TRIM37: variants seen among roughly 807,000 people sequenced by gnomAD.
TRIM37 encodes E3 ubiquitin-protein ligase TRIM37.
Under a neutral mutation model 129.8 loss-of-function variants are expected in TRIM37, and 80 were observed. The observed-to-expected ratio is 0.62, with a 90% CI of 0.51 to 0.74. The LOEUF (loss-of-function observed/expected upper bound fraction) is 0.74. Ranked by LOEUF, TRIM37 falls within the 30% of genes least tolerant of loss-of-function variation. The probability of loss-of-function intolerance (pLI) is 0.00; values close to 1 mark genes in which losing one functional copy is unlikely to be tolerated. For synonymous variants in TRIM37, 389 were observed against 387.1 expected, an observed-to-expected ratio of 1.00 and a Z score of -0.06; for missense variants, 1,054 against 1,176.5, an observed-to-expected ratio of 0.90 and a Z score of 1.52.
In TRIM37 at chr17:58,999,412, G is replaced by A. The variant is rs1354567029; in HGVS notation, c.2860C>T (p.Leu954Phe). The A allele has an allele frequency of 1.2e-6, 2 of 1,613,736 alleles. No individual in the cohort carries two copies. The highest frequency in any genetic ancestry group is 1.7e-5 in the Admixed American group (1 of 59,994). Residue 954 changes from leucine (L) to phenylalanine (F), a missense_variant, in exon 24 of 24, where the codon CTC becomes TTC. This residue lies in a region of TRIM37 where 287 missense variants were observed against 274.3 expected (regional missense o/e 1.05). Coordinates refer to ENST00000262294, the MANE Select transcript of TRIM37 (RefSeq NM_015294.6). Reference sequence around the variant, plus strand: ...CTATTTTCATCTGTATTGAAGCTGAGATCTTCAGGGCCTATTTGTTCACCA... The same window carrying A: ...CTATTTTCATCTGTATTGAAGCTGAAATCTTCAGGGCCTATTTGTTCACCA... ...PDGEQIGPED[L>F]SFNTDENSGR
rs375781385 is a variant in TRIM37 at position 59,015,809 on chromosome 17, A to G, written c.2387-10T>C. On this transcript the variant is annotated splice_polypyrimidine_tract_variant and intron_variant, in intron 20 of 23. Transcript: ENST00000262294. ...GAGCTTCCTGGGGAGCCTTCAAAAA[A>G]AGGAAGATGGAATACAAAAATTAGC... 3.9e-5 allele frequency: 63 copies of G among 1,611,768 alleles called. No homozygotes were observed. In the South Asian group the frequency reaches 6.8e-4, roughly 17 times the overall value.
chr17:59,074,532 T>C (rs1452158585), intron 8 of TRIM37, among the ~76,000 whole-genome samples: 3 of 152,166 alleles, frequency 2.0e-5, no homozygotes, highest in South Asian at 4.1e-4. Flanking sequence ...AATAAAAATA[T>C]TTTCAGACAA....
At chr17:59,047,195 A>G (rs540901346) in intron 16 of TRIM37, among the ~76,000 whole-genome samples, 10 of 152,288 alleles carry the variant, frequency 6.6e-5, no homozygotes, top group African/African-American at 2.4e-4. Flanking sequence ...ATTGAAGATA[A>G]CTAAATCGAT....
rs189649488 is a variant in TRIM37 at position 59,098,942 on chromosome 17, T to C, written c.123+5351A>G. Among the ~76,000 whole-genome samples, 15 of 152,256 alleles carry C rather than the reference T, an allele frequency of 9.9e-5. No homozygotes were observed. The East Asian group carries it at 2.7e-3, about 27-fold the overall frequency. On this transcript the variant is annotated intron_variant, in intron 2 of 23. Transcript: ENST00000262294. The stretch of plus-strand genomic sequence containing the variant: ...CTCAACGCCTGTAATCCCAGCACTT[T>C]GGGAGGCCAAGGAGGGTGGATCACC...
chr17:58,998,640 AT>A lies in TRIM37; in HGVS notation c.*736del. 1.0e-6 allele frequency: 1 copy of A among 985,436 alleles called. No individual in the cohort carries two copies. The highest frequency in any genetic ancestry group is 1.2e-6 in the Non-Finnish European group (1 of 829,892). 61.0% of individuals were successfully genotyped at this position (985,436 alleles called of 1,614,324 possible). A position where few individuals can be genotyped will look rare whatever the true frequency, so the allele number is the denominator to read the frequency against. ...AAAATATTTGTTGCACTACAGTCGT[AT>A]AGTAAGAGGCAGAAAAAAATGAAAG... is the stretch of plus-strand genomic sequence containing the variant. On this transcript the variant is annotated 3_prime_UTR_variant, in exon 24 of 24. Coordinates refer to ENST00000262294, the MANE Select transcript of TRIM37 (RefSeq NM_015294.6).
At chr17:58,977,166 T>C in the TRIM37 span, among the ~76,000 whole-genome samples, 56 of 152,118 alleles carry the variant, frequency 3.7e-4, 1 homozygote, top group Admixed American at 3.2e-3. Flanking sequence ...GAATGAGGGC[T>C]GGGCGCGGTG....
the TRIM37 span, chr17:58,969,757 G>GT: frequency 6.2e-7 from 1 of 1,607,682 alleles, no homozygotes; most frequent in Non-Finnish European, 8.5e-7. Flanking sequence ...GTTCCAGCTA[G>GT]AAATGTACTA....
At chr17:59,100,233 C>T (rs553784388) in intron 2 of TRIM37, among the ~76,000 whole-genome samples, 1 of 152,302 alleles carries the variant, frequency 6.6e-6, no homozygotes, top group Admixed American at 6.5e-5. Flanking sequence ...ACATCTACCA[C>T]ATAATCTCTA....
At chr17:59,062,182 G>A (rs964759786) in intron 11 of TRIM37, among the ~76,000 whole-genome samples, 1 of 152,044 alleles carries the variant, frequency 6.6e-6, no homozygotes, top group Non-Finnish European at 1.5e-5. Context: ...ATCTTTAAAG[G>A]TAAAGAAAAT....
At chr17:59,041,032 G>A (rs1019779604) in intron 17 of TRIM37, among the ~76,000 whole-genome samples, 2 of 151,282 alleles carry the variant, frequency 1.3e-5, no homozygotes, top group African/African-American at 4.9e-5. Flanking sequence ...CGACCTGGGC[G>A]ACAGAGCGAG....
chr17:58,995,578 T>C (rs1261081462), downstream of TRIM37, among the ~76,000 whole-genome samples: 1 of 152,120 alleles, frequency 6.6e-6, no homozygotes, highest in Non-Finnish European at 1.5e-5. Flanking sequence ...CTGATATAAA[T>C]AAGTAGCTGA....
chr17:59,095,680 C>T (rs1027978240), intron 2 of TRIM37, among the ~76,000 whole-genome samples: 1 of 152,084 alleles, frequency 6.6e-6, no homozygotes. Flanking sequence ...CTGTTTGAGG[C>T]AAACTATATA....
intron 21 of TRIM37, among the ~76,000 whole-genome samples, chr17:59,014,925 A>C (rs76926464): frequency 6.6e-6 from 1 of 151,640 alleles, no homozygotes; most frequent in South Asian, 2.1e-4. Context: ...AAAAAAAAAA[A>C]ATCAGCTGGG....
intron 18 of TRIM37, among the ~76,000 whole-genome samples, chr17:59,030,994 C>G (rs1482556669): frequency 6.6e-6 from 1 of 152,080 alleles, no homozygotes; most frequent in Non-Finnish European, 1.5e-5. Context: ...GTTTCATAAC[C>G]TGAAGATAGT....
At chr17:59,084,207 G>A (rs142631947) in intron 4 of TRIM37, 118 bp from the exon 5 acceptor site, 33 of 773,398 alleles carry the variant, frequency 4.3e-5, no homozygotes, top group South Asian at 2.5e-4. Context: ...AAGAAACACA[G>A]TATAAAATGT....
At chr17:59,060,027 T>TG (rs1171916183) in intron 12 of TRIM37, among the ~76,000 whole-genome samples, 3 of 152,228 alleles carry the variant, frequency 2.0e-5, no homozygotes, top group Non-Finnish European at 2.9e-5. Context: ...AGTACTCTGC[T>TG]GAATACTCAA....
chr17:59,099,819 T>C (rs1164513952), intron 2 of TRIM37, among the ~76,000 whole-genome samples: 1 of 152,224 alleles, frequency 6.6e-6, no homozygotes, highest in Non-Finnish European at 1.5e-5. Flanking sequence ...TTTTTTCTTT[T>C]TGAGACAGAG....
At chr17:58,976,292 G>A in the TRIM37 span, among the ~76,000 whole-genome samples, 1 of 152,144 alleles carries the variant, frequency 6.6e-6, no homozygotes, top group South Asian at 2.1e-4. Context: ...ATTAAACAGT[G>A]CATGTGTGGC....
At chr17:58,982,583 C>A, downstream of TRIM37, 1 of 270,702 alleles carries the variant, frequency 3.7e-6, no homozygotes, top group South Asian at 6.6e-5. Context: ...ACACAGATGA[C>A]TGGCATATTT....
Sources: allele counts gnomAD v4.1 joint callset (sites outside exome capture counted in the v4.1 genomes callset), GRCh38; gene constraint gnomAD v4.1.1; regional missense constraint gnomAD v4.1.1; transcripts MANE v1.5; gene names NCBI Gene and HGNC (gene_info 2026-07-23, HGNC 2026-07-21).